The following MON1B variants were observed in gnomAD, a reference collection of about 807,000 sequenced individuals.
The protein encoded by MON1B is vacuolar fusion protein MON1 homolog B.
A neutral mutation model predicts 45.1 loss-of-function variants in MON1B; 26 were observed. That is an observed-to-expected ratio of 0.58 (90% CI 0.42 to 0.80). The LOEUF (loss-of-function observed/expected upper bound fraction) is 0.80. Ranked by LOEUF, MON1B falls within the 30% of genes least tolerant of loss-of-function variation. The probability of loss-of-function intolerance (pLI) is 0.00; values close to 1 mark genes in which losing one functional copy is unlikely to be tolerated. For synonymous variants in MON1B, 395 were observed against 320.2 expected, an observed-to-expected ratio of 1.23 and a Z score of -2.49; for missense variants, 737 against 754.5, an observed-to-expected ratio of 0.98 and a Z score of 0.27.
chr16:77,191,215 G>A lies in MON1B; in HGVS notation c.-54G>A. 6.5e-7 allele frequency: 1 copy of A among 1,536,348 alleles called. No individual in the cohort carries two copies. The highest frequency in any genetic ancestry group is 8.7e-7 in the Non-Finnish European group (1 of 1,146,916). ...AAGTGTGATGCCACCGCCGCTACGGGGAAGTAATGGTATCCGGCCAATTGA... is the reference window on the plus strand; with the variant it reads ...AAGTGTGATGCCACCGCCGCTACGGAGAAGTAATGGTATCCGGCCAATTGA... On this transcript the variant is annotated 5_prime_UTR_variant, in exon 1 of 6. Transcript: ENST00000248248.
chr16:77,193,453 T>A lies in MON1B; in HGVS notation c.151T>A (p.Ser51Thr). Reference protein sequence around the residue: ...PEDEGLEETGSKDKDQPPSPS... With the variant: ...PEDEGLEETGTKDKDQPPSPS... ...ACCCACCAGGGGCTCCCTTTCAGGA[T>A]CCAAGGACAAGGACCAGCCACCCAG... The change falls in exon 3 of 6, where the codon TCC (serine) becomes ACC (threonine). Residue 51 changes from serine (S) to threonine (T), a missense_variant and splice_region_variant. Ser to Thr is a moderately conservative substitution (Grantham distance 58). Coordinates refer to ENST00000248248, the MANE Select transcript of MON1B (RefSeq NM_014940.4). The surrounding 1 kb of genome is among the most constrained non-coding windows in gnomAD (Gnocchi z 5.0). 6.5e-7 allele frequency: 1 copy of A among 1,547,582 alleles called. No homozygotes were observed. Among genetic ancestry groups the A allele is most frequent in the Non-Finnish European group, 8.7e-7 (1 of 1,146,220 alleles).
intron 5 of MON1B, among the ~76,000 whole-genome samples, chr16:77,196,658 C>G (rs2054668269): frequency 6.6e-6 from 1 of 152,164 alleles, no homozygotes; most frequent in Admixed American, 6.5e-5. Flanking sequence ...CACCTGTAGT[C>G]CCAGCTATTC....
intron 5 of MON1B, among the ~76,000 whole-genome samples, chr16:77,196,850 T>G (rs975970856): frequency 2.0e-5 from 3 of 152,194 alleles, no homozygotes; most frequent in Non-Finnish European, 4.4e-5. Context: ...GTCTCATGGA[T>G]TTTTCTTTAA....
At position 77,191,503 on chromosome 16, in the gene MON1B, C is replaced by T; in HGVS notation, c.18C>T (p.Asp6=). The stretch of plus-strand genomic sequence containing the variant: ...ATGTGCAGATGGAGGTCGGAGGAGA[C>T]ACTGCTGCCCCGGCCCCCGGGGGCG... MEVGG[D]TAAPAPGGAE... Residue 6 remains aspartate, a synonymous_variant, in exon 2 of 6, where the codon GAC becomes GAT. Coordinates refer to ENST00000248248, the MANE Select transcript of MON1B (RefSeq NM_014940.4). 1 of 1,604,302 alleles carries T rather than the reference C, an allele frequency of 6.2e-7. No individual in the cohort carries two copies. The highest frequency in any genetic ancestry group is 8.5e-7 in the Non-Finnish European group (1 of 1,177,214).
At chr16:77,195,450 T>A in intron 4 of MON1B, 85 bp from the exon 5 acceptor site, 1 of 1,445,978 alleles carries the variant, frequency 6.9e-7, no homozygotes, top group Non-Finnish European at 9.2e-7. Flanking sequence ...CTAACTTCAT[T>A]GAAATCTCTA....
chr16:77,194,875 A>C lies in MON1B; in HGVS notation c.1016A>C (p.Tyr339Ser), dbSNP rs753662511. ...RFNPDGFFYAYVARLDAMPVC... is the reference protein window; with the variant it reads ...RFNPDGFFYASVARLDAMPVC... ...AACCCTGATGGTTTTTTCTACGCCT[A>C]CGTGGCCCGCCTGGATGCTATGCCT... Residue 339 changes from tyrosine (Y) to serine (S), a missense_variant, in exon 4 of 6, where the codon TAC (tyrosine) becomes TCC (serine). Transcript: ENST00000248248. The surrounding 1 kb of genome is among the most constrained non-coding windows in gnomAD (Gnocchi z 8.1). 1 of 1,612,056 alleles carries C rather than the reference A, an allele frequency of 6.2e-7. No individual in the cohort carries two copies. Among genetic ancestry groups the C allele is most frequent in the Non-Finnish European group, 8.5e-7 (1 of 1,180,000 alleles).
intron 2 of MON1B, 32 bp downstream of exon 2, chr16:77,191,665 A>G: frequency 6.3e-7 from 1 of 1,593,544 alleles, no homozygotes; most frequent in South Asian, 1.1e-5. Context: ...TCTTAAAAGG[A>G]ATCCTTAGGG....
chr16:77,191,494 C>T lies in MON1B; in HGVS notation c.9C>T (p.Val3=). The T allele has an allele frequency of 6.2e-7, 1 of 1,602,326 alleles. No individual in the cohort carries two copies. Among genetic ancestry groups the T allele is most frequent in the Non-Finnish European group, 8.5e-7 (1 of 1,176,482 alleles). The change falls in exon 2 of 6, where the codon GTC becomes GTT. Residue 3 remains valine (V), a synonymous_variant. Coordinates refer to ENST00000248248, the MANE Select transcript of MON1B (RefSeq NM_014940.4). ...CACTCAGGGATGTGCAGATGGAGGT[C>T]GGAGGAGACACTGCTGCCCCGGCCC... ME[V]GGDTAAPAPG...
chr16:77,195,171 AG>A lies in MON1B; in HGVS notation c.1295+19del. The A allele has an allele frequency of 1.9e-6, 3 of 1,540,888 alleles. No individual in the cohort carries two copies. Among genetic ancestry groups the A allele is most frequent in the Non-Finnish European group, 2.6e-6 (3 of 1,147,790 alleles). ...GTTTACCAGGTAGGCCCTGACCCTAAGGCAACTGGCTGGGTGGGAAGGCCTG... is the reference window on the plus strand; with the variant it reads ...GTTTACCAGGTAGGCCCTGACCCTAAGCAACTGGCTGGGTGGGAAGGCCTG... On this transcript the variant is annotated intron_variant, in intron 4 of 5. Transcript: ENST00000248248.
At chr16:77,192,336 G>A (rs1375230895) in intron 2 of MON1B, among the ~76,000 whole-genome samples, 2 of 152,134 alleles carry the variant, frequency 1.3e-5, no homozygotes, top group East Asian at 3.8e-4. Context: ...AGATATTTGG[G>A]GACATGGGAG....
Position 77,193,763 on chromosome 16 carries a change from G to A in MON1B, c.461G>A (p.Arg154His), listed in dbSNP as rs780635823. ...SFVQSAGDAI[R>H]AIYAEDHKLV... ...GTGCAGAGTGCGGGAGATGCCATCC[G>A]TGCCATCTACGCTGGTGAGCAAACA... The change falls in exon 3 of 6, where the codon CGT becomes CAT. Residue 154 changes from arginine to histidine, a missense_variant. By Grantham distance (29) the Arg-to-His change is conservative (BLOSUM62 0). Transcript: ENST00000248248. This position sits in a 1 kb window ranked among gnomAD's most constrained non-coding sequence, Gnocchi z 5.0. 6.2e-6 allele frequency: 10 copies of A among 1,611,780 alleles called. No individual in the cohort carries two copies. The highest frequency in any genetic ancestry group is 1.3e-5 in the African/African-American group (1 of 74,890).
chr16:77,195,978 G>A (rs1328821804), intron 5 of MON1B, among the ~76,000 whole-genome samples: 2 of 152,190 alleles, frequency 1.3e-5, no homozygotes, highest in African/African-American at 4.8e-5. Context: ...TGCTGTGCCT[G>A]CCGATTCCCC....
Position 77,194,116 on chromosome 16 carries a change from T to C in MON1B, c.476-219T>C. The C allele has an allele frequency of 1.6e-6, 1 of 627,622 alleles. No homozygotes were observed. Among genetic ancestry groups the C allele is most frequent in the East Asian group, 2.7e-5 (1 of 36,734 alleles). The allele number at this position is 627,622 out of a possible 1,614,324, so 38.9% of individuals were successfully genotyped here. On this transcript the variant is annotated intron_variant, in intron 3 of 5. Coordinates refer to ENST00000248248, the MANE Select transcript of MON1B (RefSeq NM_014940.4). This position sits in a 1 kb window ranked among gnomAD's most constrained non-coding sequence, Gnocchi z 8.1. ...ACCCGCCTGCCCGTGGTCTTTGCTG[T>C]GTATCTAACCTACTTGTTCCTTTGT...
rs1226687448 is a variant in MON1B, at chr16:77,198,415, T to G, written c.*107T>G. On this transcript the variant is annotated 3_prime_UTR_variant, in exon 6 of 6. Coordinates refer to ENST00000248248, the MANE Select transcript of MON1B (RefSeq NM_014940.4). ...GGGGTGTGTCTGTGGCCAGTCATTG[T>G]CTCCCTAAGCAATGGGGCAAGGTCT... 7.7e-7 allele frequency: 1 copy of G among 1,293,362 alleles called. No individual in the cohort carries two copies. The highest frequency in any genetic ancestry group is 2.3e-5 in the East Asian group (1 of 42,564). 80.1% of individuals were successfully genotyped at this position (1,293,362 alleles called of 1,614,324 possible).
At position 77,191,430 on chromosome 16, in the gene MON1B, G is replaced by GA; in HGVS notation, c.-10-44dup. 4 of 1,574,386 alleles carry GA rather than the reference G, an allele frequency of 2.5e-6. No homozygotes were observed. The South Asian group carries it at 4.7e-5, about 18-fold the overall frequency. On this transcript the variant is annotated intron_variant, in intron 1 of 5. Transcript: ENST00000248248. The stretch of plus-strand genomic sequence containing the variant: ...GGCCTGACTCTATAAAGGCTTTTCA[G>GA]AAGTTTCTTTCACCGCCCGTCACCC...
intron 2 of MON1B, among the ~76,000 whole-genome samples, chr16:77,192,373 T>C (rs2054623583): frequency 6.6e-6 from 1 of 152,202 alleles, no homozygotes; most frequent in Non-Finnish European, 1.5e-5. Flanking sequence ...TGACAGAATA[T>C]GCAATTATTG....
Position 77,200,256 on chromosome 16 carries a change from G to GGA in MON1B, c.*1948_*1949insGA, listed in dbSNP as rs2054719793. 1.2e-5 allele frequency: 1 copy of GGA among 83,616 alleles called. No individual in the cohort carries two copies. The highest frequency in any genetic ancestry group is 1.2e-4 in the Admixed American group (1 of 8,588). The allele number at this position is 83,616 out of a possible 1,614,324, so 5.2% of individuals were successfully genotyped here. The stretch of plus-strand genomic sequence containing the variant: ...TGTATATATATATATATGTATATGT[G>GGA]TATATATATATATATGTGTATATAT... On this transcript the variant is annotated 3_prime_UTR_variant, in exon 6 of 6. Coordinates refer to ENST00000248248, the MANE Select transcript of MON1B (RefSeq NM_014940.4).
rs1442632399 is a variant in MON1B at position 77,194,924 on chromosome 16, C to T, written c.1065C>T (p.Thr355=). ...AMPVCLLLLG[T]QREAFHAMAA... The stretch of plus-strand genomic sequence containing the variant: ...CTGTCTGCCTGCTGCTGCTTGGCAC[C>T]CAACGTGAAGCCTTCCATGCCATGG... Residue 355 remains threonine (T), a synonymous_variant, in exon 4 of 6, where the codon ACC becomes ACT. Coordinates refer to ENST00000248248, the MANE Select transcript of MON1B (RefSeq NM_014940.4). The surrounding 1 kb of genome is among the most constrained non-coding windows in gnomAD (Gnocchi z 8.1). 6.2e-7 allele frequency: 1 copy of T among 1,613,614 alleles called. No individual in the cohort carries two copies. The highest frequency in any genetic ancestry group is 1.3e-5 in the African/African-American group (1 of 74,948).
At position 77,200,505 on chromosome 16, in the gene MON1B, C is replaced by T. The variant is rs1308769581; in HGVS notation, c.*2197C>T. The T allele has an allele frequency of 6.6e-6, 1 of 150,964 alleles. No homozygotes were observed. Among genetic ancestry groups the T allele is most frequent in the Non-Finnish European group, 1.5e-5 (1 of 67,852 alleles). 9.4% of individuals were successfully genotyped at this position (150,964 alleles called of 1,614,324 possible). ...GCTTGGTGGCTTATGCCTGTAATCC[C>T]AGCACTTTGGAAGGCCGAGGCGGGT... On this transcript the variant is annotated 3_prime_UTR_variant, in exon 6 of 6. Coordinates refer to ENST00000248248, the MANE Select transcript of MON1B (RefSeq NM_014940.4).
Sources: allele counts gnomAD v4.1 joint callset (sites outside exome capture counted in the v4.1 genomes callset), GRCh38; gene constraint gnomAD v4.1.1; non-coding constraint Gnocchi (gnomAD v3.1); transcripts MANE v1.5; gene names NCBI Gene and HGNC (gene_info 2026-07-23, HGNC 2026-07-21).